The following SNX29 variants were observed in gnomAD, a reference collection of about 807,000 sequenced individuals.
SNX29 encodes sorting nexin-29.
A neutral mutation model predicts 102.1 loss-of-function variants in SNX29; 78 were observed. The ratio of observed to expected loss-of-function variants is 0.76; its 90% CI spans 0.64 to 0.92. The LOEUF is 0.92. Ranked by LOEUF, SNX29 falls within the 40% of genes least tolerant of loss-of-function variation. The probability of loss-of-function intolerance (pLI) is 0.00; values close to 1 mark genes in which losing one functional copy is unlikely to be tolerated. For synonymous variants in SNX29, 580 were observed against 414.5 expected, an observed-to-expected ratio of 1.40 and a Z score of -4.85; for missense variants, 1,280 against 1,061.7, an observed-to-expected ratio of 1.21 and a Z score of -2.86.
chr16:12,130,082 T>C (rs1703531), intron 13 of SNX29, among the ~76,000 whole-genome samples: 72,410 of 149,158 alleles, frequency 0.49, 19,762 homozygotes, highest in African/African-American at 0.75. Flanking sequence ...CCAGCCTGGG[T>C]GACAGAGCAA....
At chr16:12,319,791 C>G (rs889846874) in intron 15 of SNX29, among the ~76,000 whole-genome samples, 1 of 152,192 alleles carries the variant, frequency 6.6e-6, no homozygotes, top group Non-Finnish European at 1.5e-5. Context: ...GTCAGTATCA[C>G]TGCAGCTTTG....
intron 1 of SNX29, among the ~76,000 whole-genome samples, chr16:11,996,099 C>G (rs996570061): frequency 7.3e-5 from 11 of 151,604 alleles, no homozygotes; most frequent in Non-Finnish European, 1.5e-4. Flanking sequence ...TCCTCAACCT[C>G]CTGAACCAGA....
intron 14 of SNX29, among the ~76,000 whole-genome samples, chr16:12,227,899 TAAAAA>T (rs59381762): frequency 1.5e-4 from 11 of 71,570 alleles, no homozygotes; most frequent in Admixed American, 1.2e-3. Flanking sequence ...GACTCTGTCT[TAAAAA>T]AAAAAAAAAA....
intron 13 of SNX29, among the ~76,000 whole-genome samples, chr16:12,199,167 T>G (rs2076852647): frequency 6.6e-6 from 1 of 152,256 alleles, no homozygotes; most frequent in Non-Finnish European, 1.5e-5. Flanking sequence ...TGGCAAATAA[T>G]AAATGTTTAG....
At chr16:12,551,235 G>C (rs1417916316) in intron 20 of SNX29, among the ~76,000 whole-genome samples, 2 of 152,072 alleles carry the variant, frequency 1.3e-5, no homozygotes, top group Admixed American at 6.6e-5. Context: ...CATCTTCTGA[G>C]GACAGTCTAA....
intron 19 of SNX29, among the ~76,000 whole-genome samples, chr16:12,489,083 T>C (rs79980377): frequency 4.4e-4 from 67 of 152,326 alleles, no homozygotes; most frequent in African/African-American, 1.6e-3. Flanking sequence ...TCTGCTTTTG[T>C]TCCTCACATT....
intron 15 of SNX29, among the ~76,000 whole-genome samples, chr16:12,351,195 G>C (rs904688361): frequency 7.1e-6 from 1 of 140,258 alleles, no homozygotes; most frequent in Non-Finnish European, 1.7e-5. Context: ...GCCTATAAGA[G>C]GCCTGACACT....
chr16:12,171,296 C>G (rs72784683), intron 13 of SNX29, among the ~76,000 whole-genome samples: 23 of 152,256 alleles, frequency 1.5e-4, no homozygotes, highest in Non-Finnish European at 2.8e-4. Flanking sequence ...CGTTGCATCC[C>G]TAAACCTTTC....
At chr16:12,476,379 A>AAT (rs2087608178) in intron 18 of SNX29, among the ~76,000 whole-genome samples, 1 of 17,226 alleles carries the variant, frequency 5.8e-5, no homozygotes, top group Non-Finnish European at 1.0e-4. Context: ...AAAAAAAAAA[A>AAT]AAAAATATAT....
chr16:12,376,679 G>T (rs2082884439), intron 16 of SNX29, among the ~76,000 whole-genome samples: 1 of 141,824 alleles, frequency 7.1e-6, no homozygotes, highest in African/African-American at 2.6e-5. Flanking sequence ...AGAGGTTGCA[G>T]TGAGCCGAGA....
intron 14 of SNX29, among the ~76,000 whole-genome samples, chr16:12,228,137 T>C (rs1412836073): frequency 3.9e-5 from 6 of 152,184 alleles, no homozygotes; most frequent in Admixed American, 1.3e-4. Flanking sequence ...TGTCAGACCT[T>C]ACCGTCTCAG....
intron 20 of SNX29, among the ~76,000 whole-genome samples, chr16:12,542,747 G>C (rs2077398781): frequency 7.2e-6 from 1 of 138,808 alleles, no homozygotes; most frequent in Non-Finnish European, 1.5e-5. Flanking sequence ...ATAAGCACTA[G>C]ACTATCACTG....
chr16:12,051,611 G>C (rs1167828518), intron 7 of SNX29, among the ~76,000 whole-genome samples: 1 of 152,212 alleles, frequency 6.6e-6, no homozygotes. Flanking sequence ...AGAAGGAACA[G>C]TTTCAAGATG....
At position 12,199,692 on chromosome 16, in the gene SNX29, G is replaced by T. The variant is rs369678775; in HGVS notation, c.1678+9G>T. The T allele has an allele frequency of 6.3e-7, 1 of 1,591,298 alleles. No individual in the cohort carries two copies. Among genetic ancestry groups the T allele is most frequent in the South Asian group, 1.1e-5 (1 of 89,830 alleles). ...AGGTCAAACAGCTGAAGGTGAGGGG[G>T]AGCCTGAGCCCGGGTTGGGAGGGGC... On this transcript the variant is annotated intron_variant, in intron 14 of 20. Coordinates refer to ENST00000566228, the MANE Select transcript of SNX29 (RefSeq NM_032167.5).
At chr16:12,529,773 A>T (rs2076882946) in intron 20 of SNX29, among the ~76,000 whole-genome samples, 1 of 152,080 alleles carries the variant, frequency 6.6e-6, no homozygotes, top group South Asian at 2.1e-4. Context: ...TGAGCAGGTT[A>T]CGTTTAGCTC....
At chr16:12,008,496 C>T (rs777245263) in intron 3 of SNX29, among the ~76,000 whole-genome samples, 8 of 151,218 alleles carry the variant, frequency 5.3e-5, no homozygotes, top group East Asian at 2.0e-4. Context: ...CCTGAACTCC[C>T]GACCTCAGGT....
At chr16:12,499,378 C>T (rs1016209243) in intron 19 of SNX29, among the ~76,000 whole-genome samples, 9 of 152,152 alleles carry the variant, frequency 5.9e-5, no homozygotes, top group Non-Finnish European at 1.3e-4. Flanking sequence ...GACGGGGGTG[C>T]CAGTAATGCC....
chr16:12,461,284 T>G (rs560634694), intron 18 of SNX29, among the ~76,000 whole-genome samples: 2 of 152,318 alleles, frequency 1.3e-5, no homozygotes, highest in African/African-American at 2.4e-5. Context: ...CAATAAACAT[T>G]GGGTGAACTT....
intron 20 of SNX29, among the ~76,000 whole-genome samples, chr16:12,562,809 C>T (rs117615801): frequency 0.012 from 1,839 of 152,290 alleles, 51 homozygotes; most frequent in South Asian, 0.11. Flanking sequence ...GGAACAACTC[C>T]TTTCCCCCCA....
Sources: allele counts gnomAD v4.1 joint callset (sites outside exome capture counted in the v4.1 genomes callset), GRCh38; gene constraint gnomAD v4.1.1; transcripts MANE v1.5; gene names NCBI Gene and HGNC (gene_info 2026-07-23, HGNC 2026-07-21).